The following OTOGL variants were observed in gnomAD, a reference collection of about 807,000 sequenced individuals.
OTOGL encodes otogelin-like protein.
In OTOGL, 285 loss-of-function variants were observed where a neutral mutation model predicts 318.5. The observed-to-expected ratio is 0.89, with a 90% CI of 0.81 to 0.99. The LOEUF is 0.99. Among genes scored for constraint, OTOGL ranks in the 50% least tolerant of loss-of-function variants. The probability of loss-of-function intolerance (pLI) is 0.00; values close to 1 mark genes in which losing one functional copy is unlikely to be tolerated. For synonymous variants in OTOGL, 987 were observed against 936.5 expected (o/e 1.05, Z -0.99); for missense variants, 2,899 against 2,845.6 (o/e 1.02, Z -0.43).
chr12:80,180,507 T>G (rs1874847228), intron 1 of OTOGL, among the ~76,000 whole-genome samples: 2 of 151,930 alleles, frequency 1.3e-5, no homozygotes, highest in South Asian at 4.2e-4. Context: ...AGTGAAGGAG[T>G]CTGTGGGGGA....
Position 80,265,005 on chromosome 12 carries a change from G to T in OTOGL, c.2019G>T (p.Gly673=), listed in dbSNP as rs1258299934. The T allele has an allele frequency of 6.2e-7, 1 of 1,613,786 alleles. No individual in the cohort carries two copies. Among genetic ancestry groups the T allele is most frequent in the Non-Finnish European group, 8.5e-7 (1 of 1,179,770 alleles). ...GCTAATTGGGCTCTTTGTTAGTTGG[G>T]TATGCAGCACACTGTGATGTCATCC... ...DPCNINQQNI[G]YAAHCDVIHQ... Residue 673 remains glycine, a synonymous_variant, in exon 20 of 59, where the codon GGG becomes GGT. Coordinates refer to ENST00000547103, the MANE Select transcript of OTOGL (RefSeq NM_001378609.3).
intron 8 of OTOGL, among the ~76,000 whole-genome samples, chr12:80,230,440 G>A (rs1879262510): frequency 6.6e-6 from 1 of 152,136 alleles, no homozygotes; most frequent in Admixed American, 6.5e-5. Flanking sequence ...TCCTAGAGCT[G>A]AATTTAGATA....
chr12:80,214,983 A>T (rs1592555406), intron 4 of OTOGL, among the ~76,000 whole-genome samples: 1 of 152,240 alleles, frequency 6.6e-6, no homozygotes, highest in Non-Finnish European at 1.5e-5. Context: ...GATAAATAGG[A>T]TGTTGTTGTA....
chr12:80,147,127 G>A (rs1592493688), intron 1 of OTOGL, among the ~76,000 whole-genome samples: 1 of 151,938 alleles, frequency 6.6e-6, no homozygotes. Flanking sequence ...TGCTTTTCTA[G>A]TTGTTTTAAT....
At chr12:80,143,664 G>A (rs188290836) in intron 1 of OTOGL, among the ~76,000 whole-genome samples, 1 of 152,128 alleles carries the variant, frequency 6.6e-6, no homozygotes, top group Non-Finnish European at 1.5e-5. Flanking sequence ...CATTTCAGAG[G>A]TGTTTGTTTT....
intron 9 of OTOGL, among the ~76,000 whole-genome samples, chr12:80,237,856 A>G (rs1242052656): frequency 6.6e-6 from 1 of 152,196 alleles, no homozygotes; most frequent in Non-Finnish European, 1.5e-5. Flanking sequence ...TTCTGACTCT[A>G]GTGGTGCAAT....
intron 13 of OTOGL, among the ~76,000 whole-genome samples, chr12:80,252,933 A>G (rs1305672606): frequency 6.6e-6 from 1 of 152,152 alleles, no homozygotes; most frequent in African/African-American, 2.4e-5. Flanking sequence ...GCTTTCTCCT[A>G]CAGTCTTACC....
intron 1 of OTOGL, among the ~76,000 whole-genome samples, chr12:80,108,692 T>C (rs1369862846): frequency 6.7e-6 from 1 of 149,728 alleles, no homozygotes; most frequent in African/African-American, 2.4e-5. Flanking sequence ...GACATTCTTC[T>C]ATAAAGACGT....
chr12:80,300,525 C>G (rs527682189), intron 27 of OTOGL, among the ~76,000 whole-genome samples: 10 of 152,076 alleles, frequency 6.6e-5, no homozygotes, highest in Admixed American at 6.6e-4. Flanking sequence ...TGACAAAACA[C>G]GAATTCACAG....
intron 1 of OTOGL, among the ~76,000 whole-genome samples, chr12:80,120,974 G>A (rs999329492): frequency 6.6e-6 from 1 of 152,166 alleles, no homozygotes; most frequent in Admixed American, 6.6e-5. Flanking sequence ...ACCCATTCTT[G>A]GAGGCAGCAT....
intron 1 of OTOGL, among the ~76,000 whole-genome samples, chr12:80,109,266 T>C (rs906789301): frequency 1.3e-5 from 2 of 152,136 alleles, no homozygotes; most frequent in African/African-American, 4.8e-5. Context: ...GCTCAAAATG[T>C]ATCACAATAA....
chr12:80,360,774 C>CT (rs1270528068), intron 52 of OTOGL, among the ~76,000 whole-genome samples: 3 of 151,982 alleles, frequency 2.0e-5, no homozygotes, highest in Non-Finnish European at 2.9e-5. Context: ...GCCACCGCGC[C>CT]TGGCTGGGAC....
At chr12:80,128,226 T>C (rs1248897866) in intron 1 of OTOGL, among the ~76,000 whole-genome samples, 1 of 152,190 alleles carries the variant, frequency 6.6e-6, no homozygotes, top group Non-Finnish European at 1.5e-5. Flanking sequence ...TTGGTGTGGA[T>C]GTCCTTTCTG....
chr12:80,360,251 A>T (rs1890152153), intron 52 of OTOGL, among the ~76,000 whole-genome samples: 1 of 152,212 alleles, frequency 6.6e-6, no homozygotes, highest in Non-Finnish European at 1.5e-5. Context: ...TTAAAACGTA[A>T]ATTTCTTAAT....
intron 26 of OTOGL, among the ~76,000 whole-genome samples, chr12:80,295,009 C>A (rs1475880425): frequency 6.6e-6 from 1 of 152,020 alleles, no homozygotes; most frequent in Non-Finnish European, 1.5e-5. Flanking sequence ...GGTGGAAGAA[C>A]TGTTTGAGCC....
chr12:80,185,765 A>T (rs1488042589), intron 1 of OTOGL, among the ~76,000 whole-genome samples: 1 of 152,232 alleles, frequency 6.6e-6, no homozygotes, highest in African/African-American at 2.4e-5. Context: ...TCTGCATTTT[A>T]CACATGGGTC....
intron 1 of OTOGL, among the ~76,000 whole-genome samples, chr12:80,153,936 T>C (rs77115510): frequency 0.065 from 9,910 of 152,262 alleles, 1,018 homozygotes; most frequent in African/African-American, 0.22. Context: ...GAGACCAGGC[T>C]TGAAGAATCT....
chr12:80,310,747 A>G lies in OTOGL; in HGVS notation c.3450+20A>G, dbSNP rs1330544011. ...AATGTGGTAAATGAATACTTTAATG[A>G]ACTCTCGAGTTTCAATATGTTCTAC... On this transcript the variant is annotated intron_variant, in intron 30 of 58. Coordinates refer to ENST00000547103, the MANE Select transcript of OTOGL (RefSeq NM_001378609.3). The G allele has an allele frequency of 1.9e-5, 29 of 1,511,396 alleles. No homozygotes were observed. Among genetic ancestry groups the G allele is most frequent in the African/African-American group, 1.6e-4 (12 of 73,010 alleles). The allele number at this position is 1,511,396 out of a possible 1,614,324, so 93.6% of individuals were successfully genotyped here. A position where few individuals can be genotyped will look rare whatever the true frequency, so the allele number is the denominator to read the frequency against.
At chr12:80,212,037 A>G (rs780866481) in intron 4 of OTOGL, 40 bp downstream of exon 4, 23 of 1,521,950 alleles carry the variant, frequency 1.5e-5, no homozygotes, top group Non-Finnish European at 2.0e-5. Flanking sequence ...CAGAGAAATA[A>G]TCCATTCTGT....
Sources: gnomAD v4.1 joint callset for allele counts (sites outside exome capture counted in the v4.1 genomes callset) on GRCh38, gnomAD v4.1.1 for gene constraint, MANE v1.5 for transcripts, NCBI Gene and HGNC (gene_info 2026-07-23, HGNC 2026-07-21) for gene names.